The following WWOX variants were observed in gnomAD, a reference collection of about 807,000 sequenced individuals.
The protein encoded by WWOX is WW domain containing oxidoreductase.
A neutral mutation model predicts 46.2 loss-of-function variants in WWOX; 69 were observed. That is an observed-to-expected ratio of 1.49 (90% CI 1.23 to 1.82). The LOEUF is 1.82. WWOX is among the 40% of genes most tolerant of loss of function. The probability of loss-of-function intolerance (pLI) is 0.00; values close to 1 mark genes in which losing one functional copy is unlikely to be tolerated. For synonymous variants in WWOX, 359 were observed against 202.6 expected (o/e 1.77, Z -6.56); for missense variants, 919 against 542.6 (o/e 1.69, Z -6.89).
intron 8 of WWOX, among the ~76,000 whole-genome samples, chr16:79,005,145 C>A (rs764259382): frequency 1.3e-5 from 2 of 152,114 alleles, no homozygotes; most frequent in African/African-American, 4.8e-5. Context: ...TCTGTCTGGC[C>A]TTTCTCTTTT....
intron 8 of WWOX, chr16:78,898,797 A>G (rs1174146913): frequency 6.6e-6 from 1 of 152,102 alleles, no homozygotes; most frequent in African/African-American, 2.4e-5. Flanking sequence ...CATTTCAGTG[A>G]TATTTGATGA....
chr16:78,544,440 T>G (rs376895889), intron 8 of WWOX, among the ~76,000 whole-genome samples: 1 of 152,226 alleles, frequency 6.6e-6, no homozygotes, highest in Non-Finnish European at 1.5e-5. Flanking sequence ...GTTCCTCATT[T>G]GCAGATGAGG....
At chr16:78,415,408 T>C (rs2082776204) in intron 6 of WWOX, among the ~76,000 whole-genome samples, 1 of 152,144 alleles carries the variant, frequency 6.6e-6, no homozygotes, top group Admixed American at 6.5e-5. Context: ...CAGCAAGGTC[T>C]TTATGACCTG....
intron 8 of WWOX, among the ~76,000 whole-genome samples, chr16:78,771,546 C>A (rs772440041): frequency 6.6e-6 from 1 of 151,920 alleles, no homozygotes; most frequent in Non-Finnish European, 1.5e-5. Context: ...CTGAGATGGG[C>A]GGATCACTTG....
chr16:79,148,583 G>C (rs562217482), intron 8 of WWOX, among the ~76,000 whole-genome samples: 1 of 152,108 alleles, frequency 6.6e-6, no homozygotes, highest in Non-Finnish European at 1.5e-5. Context: ...CAATATGGTT[G>C]TCTATGTCTA....
chr16:79,171,104 C>T (rs1043205076), intron 8 of WWOX, among the ~76,000 whole-genome samples: 3 of 152,150 alleles, frequency 2.0e-5, no homozygotes, highest in Admixed American at 2.0e-4. Context: ...CAGTGCTAGG[C>T]ACGTGAGAGT....
chr16:78,530,063 A>C (rs1230279896), intron 8 of WWOX, among the ~76,000 whole-genome samples: 1 of 151,908 alleles, frequency 6.6e-6, no homozygotes, highest in African/African-American at 2.4e-5. Flanking sequence ...CCTGCACTCC[A>C]CCCCTTCTGG....
At position 78,602,345 on chromosome 16, in the gene WWOX, G is replaced by C. The variant is rs534211562; in HGVS notation, c.1056+169593G>C. ...CCTCCTAGGTTCCAGCGATTCTCCTGCCTCAGCCTCCTGAGTAGCTGGGAC... is the reference window on the plus strand; with the variant it reads ...CCTCCTAGGTTCCAGCGATTCTCCTCCCTCAGCCTCCTGAGTAGCTGGGAC... On this transcript the variant is annotated intron_variant, in intron 8 of 8. Coordinates refer to ENST00000566780, the MANE Select transcript of WWOX (RefSeq NM_016373.4). Among the ~76,000 whole-genome samples the C allele has an allele frequency of 3.3e-5, 5 of 152,208 alleles. No individual in the cohort carries two copies. In the South Asian group the frequency reaches 1.0e-3, roughly 32 times the overall value.
chr16:78,602,846 G>A (rs1420459005), intron 8 of WWOX, among the ~76,000 whole-genome samples: 1 of 152,146 alleles, frequency 6.6e-6, no homozygotes, highest in Non-Finnish European at 1.5e-5. Flanking sequence ...TAAGAAAATT[G>A]AGGCTTAGAG....
intron 8 of WWOX, among the ~76,000 whole-genome samples, chr16:78,732,027 A>G (rs542359935): frequency 6.6e-6 from 1 of 151,860 alleles, no homozygotes; most frequent in Non-Finnish European, 1.5e-5. Flanking sequence ...AAAAAAACAA[A>G]CAAACAAAAC....
intron 8 of WWOX, among the ~76,000 whole-genome samples, chr16:78,999,957 T>A (rs1224787945): frequency 6.6e-6 from 1 of 151,352 alleles, no homozygotes; most frequent in Non-Finnish European, 1.5e-5. Context: ...ACCGGGAGCA[T>A]TTTTTTTTCC....
chr16:78,912,303 T>A (rs1013896902), intron 8 of WWOX, among the ~76,000 whole-genome samples: 4 of 152,038 alleles, frequency 2.6e-5, no homozygotes, highest in African/African-American at 4.8e-5. Flanking sequence ...GGCACTATGC[T>A]ATGCACCTTA....
At chr16:79,198,484 C>G (rs1332437129) in intron 8 of WWOX, among the ~76,000 whole-genome samples, 2 of 152,218 alleles carry the variant, frequency 1.3e-5, no homozygotes, top group Non-Finnish European at 1.5e-5. Flanking sequence ...AATTAAAGCC[C>G]TGGCCTCCAC....
At chr16:78,229,647 A>G (rs940844000) in intron 5 of WWOX, among the ~76,000 whole-genome samples, 23 of 152,098 alleles carry the variant, frequency 1.5e-4, no homozygotes, top group Admixed American at 7.9e-4. Flanking sequence ...TCTCAGACTC[A>G]CAGTCTGTAC....
Position 78,547,147 on chromosome 16 carries a change from A to AAAC in WWOX, c.1056+114397_1056+114398insCAA, listed in dbSNP as rs1555560715. On this transcript the variant is annotated intron_variant, in intron 8 of 8. Coordinates refer to ENST00000566780, the MANE Select transcript of WWOX (RefSeq NM_016373.4). ...TCTCAGAAAAAAAAAAAAAAAAAAAAAAAAAAAAAAAACAACTACCAGGCC... is the reference window on the plus strand; with the variant it reads ...TCTCAGAAAAAAAAAAAAAAAAAAAAAACAAAAAAAAAAAACAACTACCAGGCC... 1.7e-3 allele frequency among the ~76,000 whole-genome samples: 231 copies of AAAC among 139,380 alleles called. 9 individuals are homozygous for AAAC. The highest frequency in any genetic ancestry group is 1.8e-3 in the Non-Finnish European group (114 of 62,362). The allele number at this position is 139,380 out of a possible 152,430, so 91.4% of individuals were successfully genotyped here.
At chr16:78,789,531 A>G (rs537116924) in intron 8 of WWOX, among the ~76,000 whole-genome samples, 38 of 152,222 alleles carry the variant, frequency 2.5e-4, no homozygotes, top group African/African-American at 8.2e-4. Context: ...TGCCATTGCC[A>G]CATTGTTTTG....
chr16:79,013,822 G>C (rs544487543), intron 8 of WWOX, among the ~76,000 whole-genome samples: 2 of 152,206 alleles, frequency 1.3e-5, no homozygotes, highest in African/African-American at 4.8e-5. Flanking sequence ...GGGAAGGTTG[G>C]GGTCCTCTTT....
At chr16:78,247,998 A>G (rs2037864570) in intron 5 of WWOX, among the ~76,000 whole-genome samples, 1 of 152,246 alleles carries the variant, frequency 6.6e-6, no homozygotes, top group Non-Finnish European at 1.5e-5. Flanking sequence ...GCTATGCAAC[A>G]TAATGCTGAT....
At chr16:78,377,449 A>C (rs1290198326) in intron 5 of WWOX, among the ~76,000 whole-genome samples, 2 of 152,168 alleles carry the variant, frequency 1.3e-5, no homozygotes, top group African/African-American at 4.8e-5. Context: ...ACTCCTCTTT[A>C]CTTGCCTGCA....
Sources: gnomAD v4.1 joint callset for allele counts (sites outside exome capture counted in the v4.1 genomes callset) on GRCh38, gnomAD v4.1.1 for gene constraint, MANE v1.5 for transcripts, NCBI Gene and HGNC (gene_info 2026-07-23, HGNC 2026-07-21) for gene names.